Variants in CCDC180 observed in about 807,000 individuals in gnomAD.
CCDC180 encodes the protein coiled-coil domain containing 180.
Under a neutral mutation model 209.2 loss-of-function variants are expected in CCDC180, and 154 were observed. The ratio of observed to expected loss-of-function variants is 0.74; its 90% CI spans 0.65 to 0.84. The LOEUF (loss-of-function observed/expected upper bound fraction) is 0.84. Ranked by LOEUF, CCDC180 falls within the 40% of genes least tolerant of loss-of-function variation. The probability of loss-of-function intolerance (pLI) is 0.00; values close to 1 mark genes in which losing one functional copy is unlikely to be tolerated. For synonymous variants in CCDC180, 778 were observed against 749.1 expected (o/e 1.04, Z -0.63); for missense variants, 1,874 against 1,997.3 (o/e 0.94, Z 1.18).
rs1291023178 is a variant in CCDC180, at chr9:97,378,546, G to A, written c.*1652G>A. 1 of 144,632 alleles carries A rather than the reference G, an allele frequency of 6.9e-6. No homozygotes were observed. The highest frequency in any genetic ancestry group is 1.5e-5 in the Non-Finnish European group (1 of 65,328). 9.0% of individuals were successfully genotyped at this position (144,632 alleles called of 1,614,324 possible). A position where few individuals can be genotyped will look rare whatever the true frequency, so the allele number is the denominator to read the frequency against. On this transcript the variant is annotated 3_prime_UTR_variant, in exon 37 of 37. Coordinates refer to ENST00000529487, the MANE Select transcript of CCDC180 (RefSeq NM_020893.6). ...TCCCTGCTTTTTAAATCCTAGCCCA[G>A]TCCACTAACTCAGTTCATGGCCCAC...
intron 8 of CCDC180, among the ~76,000 whole-genome samples, 176 bp downstream of exon 8, chr9:97,315,122 G>C (rs1272359902): frequency 6.6e-6 from 1 of 152,150 alleles, no homozygotes; most frequent in Non-Finnish European, 1.5e-5. Flanking sequence ...TGCTATTGTA[G>C]TCCTTGCTAT....
intron 34 of CCDC180, chr9:97,373,188 C>T (rs1827151813): frequency 6.6e-6 from 1 of 152,158 alleles, no homozygotes; most frequent in Non-Finnish European, 1.5e-5. Flanking sequence ...CCTTTTTTCT[C>T]ATCATGAAGT....
intron 18 of CCDC180, among the ~76,000 whole-genome samples, chr9:97,338,513 TGTG>T (rs1326536246): frequency 6.6e-6 from 1 of 152,256 alleles, no homozygotes; most frequent in Admixed American, 6.5e-5. Context: ...TTGATTGCAC[TGTG>T]GTCTGAGAGA....
chr9:97,329,255 G>A (rs143140476), intron 16 of CCDC180, among the ~76,000 whole-genome samples: 1 of 152,308 alleles, frequency 6.6e-6, no homozygotes, highest in Non-Finnish European at 1.5e-5. Flanking sequence ...AAAGGTATAG[G>A]CACCATTATG....
At chr9:97,359,951 T>G (rs1188829459) in intron 25 of CCDC180, 31 bp from the exon 26 acceptor site, 1 of 1,612,050 alleles carries the variant, frequency 6.2e-7, no homozygotes, top group East Asian at 2.2e-5. Context: ...GTCTGCTTCC[T>G]TGGGGCTTTC....
At chr9:97,334,971 T>C (rs1371572920) in intron 18 of CCDC180, among the ~76,000 whole-genome samples, 2 of 152,350 alleles carry the variant, frequency 1.3e-5, no homozygotes, top group East Asian at 3.9e-4. Context: ...AACATTTCTC[T>C]CATGTCTAGT....
chr9:97,376,591 TG>T, intron 36 of CCDC180, 171 bp from the exon 37 acceptor site: 1 of 631,648 alleles, frequency 1.6e-6, no homozygotes, highest in African/African-American at 1.8e-5. Flanking sequence ...TCTTGTAAAA[TG>T]GGGAAAACAA....
At position 97,354,468 on chromosome 9, in the gene CCDC180, C is replaced by T. The variant is rs1036709448; in HGVS notation, c.3003-101C>T. On this transcript the variant is annotated intron_variant, in intron 22 of 36. Transcript: ENST00000529487. ...ATTTTCCCACATCTTGAACTCTAAC[C>T]GGAAGCCTAGATTAAAAGTGTGTGT... is the stretch of plus-strand genomic sequence containing the variant. 15 of 1,197,824 alleles carry T rather than the reference C, an allele frequency of 1.3e-5. No homozygotes were observed. The African/African-American group carries it at 1.5e-4, about 12-fold the overall frequency. 74.2% of individuals were successfully genotyped at this position (1,197,824 alleles called of 1,614,324 possible). A position where few individuals can be genotyped will look rare whatever the true frequency, so the allele number is the denominator to read the frequency against.
At chr9:97,339,081 C>T (rs572442291) in intron 18 of CCDC180, among the ~76,000 whole-genome samples, 11 of 152,104 alleles carry the variant, frequency 7.2e-5, no homozygotes, top group Non-Finnish European at 1.3e-4. Flanking sequence ...CTCCTGAATA[C>T]AGCACACTGA....
chr9:97,342,578 C>G (rs1826118744), intron 18 of CCDC180, among the ~76,000 whole-genome samples: 1 of 152,222 alleles, frequency 6.6e-6, no homozygotes, highest in Admixed American at 6.5e-5. Context: ...TGCACCCAGC[C>G]ACAGCAATGC....
rs752798929 is a variant in CCDC180 at position 97,369,948 on chromosome 9, G to A, written c.4216G>A (p.Glu1406Lys). 1.2e-6 allele frequency: 2 copies of A among 1,614,188 alleles called. No individual in the cohort carries two copies. Among genetic ancestry groups the A allele is most frequent in the African/African-American group, 1.3e-5 (1 of 75,046 alleles). Residue 1406 changes from glutamate (E) to lysine (K), a missense_variant, in exon 32 of 37, where the codon GAG becomes AAG. Glu to Lys is a moderately conservative substitution (Grantham distance 56). Coordinates refer to ENST00000529487, the MANE Select transcript of CCDC180 (RefSeq NM_020893.6). ...IELRIQIRRF[E>K]ELLPQVCWLV... is the part of the protein sequence containing the mutation. Reference sequence around the variant, plus strand: ...ATTACGGATCCAGATCAGGAGATTTGAGGAGCTGCTGCCCCAAGTGTGTTG... The same window carrying A: ...ATTACGGATCCAGATCAGGAGATTTAAGGAGCTGCTGCCCCAAGTGTGTTG...
At chr9:97,344,416 C>T (rs1035637487) in intron 19 of CCDC180, among the ~76,000 whole-genome samples, 1 of 152,216 alleles carries the variant, frequency 6.6e-6, no homozygotes, top group Non-Finnish European at 1.5e-5. Context: ...TCATCCCTCT[C>T]CTTCCTCTAC....
chr9:97,368,480 C>T (rs1826987513), intron 31 of CCDC180, among the ~76,000 whole-genome samples: 1 of 152,160 alleles, frequency 6.6e-6, no homozygotes, highest in Non-Finnish European at 1.5e-5. Flanking sequence ...AAACCAAGCT[C>T]CTCCCTCTGT....
At chr9:97,316,741 A>C (rs539403649) in intron 8 of CCDC180, among the ~76,000 whole-genome samples, 7 of 152,338 alleles carry the variant, frequency 4.6e-5, no homozygotes, top group African/African-American at 1.7e-4. Context: ...AAGAGTAAAC[A>C]CTTAGAGCTC....
chr9:97,330,022 C>T (rs960592610), intron 16 of CCDC180, 132 bp from the exon 17 acceptor site: 19 of 733,184 alleles, frequency 2.6e-5, no homozygotes, highest in South Asian at 3.6e-5. Flanking sequence ...GAACCAAGAC[C>T]GCGCCACTGC....
At chr9:97,371,790 T>C in intron 34 of CCDC180, 84 bp downstream of exon 34, 1 of 747,670 alleles carries the variant, frequency 1.3e-6, no homozygotes. Context: ...TCCCCAACTC[T>C]ATCAAAGTGA....
intron 4 of CCDC180, 36 bp from the exon 5 acceptor site, chr9:97,313,200 G>C (rs1307656829): frequency 3.5e-6 from 5 of 1,427,754 alleles, no homozygotes; most frequent in Non-Finnish European, 3.9e-6. Flanking sequence ...TGAGAGCTCT[G>C]AAGGCAGCCT....
intron 11 of CCDC180, among the ~76,000 whole-genome samples, chr9:97,321,068 C>G (rs1833342568): frequency 6.6e-6 from 1 of 152,124 alleles, no homozygotes; most frequent in Admixed American, 6.6e-5. Flanking sequence ...AGTCAGCCCC[C>G]CAAGATCATG....
In CCDC180 at chr9:97,357,837, G is replaced by A. The variant is rs924535047; in HGVS notation, c.3363+112G>A. On this transcript the variant is annotated intron_variant, in intron 25 of 36. Transcript: ENST00000529487. The stretch of plus-strand genomic sequence containing the variant: ...AGGATTTCTCCAGCACAAGGTTGGC[G>A]GGGTGGGGGGACATCTCTGAGCCTT... 40 of 808,302 alleles carry A rather than the reference G, an allele frequency of 4.9e-5. No homozygotes were observed. The South Asian group carries it at 5.3e-4, about 11-fold the overall frequency. The allele number at this position is 808,302 out of a possible 1,614,324, so 50.1% of individuals were successfully genotyped here.
Sources: allele counts gnomAD v4.1 joint callset (sites outside exome capture counted in the v4.1 genomes callset), GRCh38; gene constraint gnomAD v4.1.1; transcripts MANE v1.5; gene names NCBI Gene and HGNC (gene_info 2026-07-23, HGNC 2026-07-21).